The following PAM variants were observed in gnomAD, a reference collection of about 807,000 sequenced individuals.
PAM encodes peptidyl-glycine alpha-amidating monooxygenase.
In PAM, 72 loss-of-function variants were observed where a neutral mutation model predicts 122.1. That is an observed-to-expected ratio of 0.59 (90% CI 0.49 to 0.72). PAM has a LOEUF of 0.72. Among genes scored for constraint, PAM ranks in the 30% least tolerant of loss-of-function variants. The pLI is 0.00. For synonymous variants in PAM, 389 were observed against 404.4 expected (o/e 0.96, Z 0.46); for missense variants, 1,106 against 1,183.7 (o/e 0.93, Z 0.96).
intron 14 of PAM, among the ~76,000 whole-genome samples, chr5:102,966,239 C>G (rs2150325047): frequency 6.6e-6 from 1 of 152,128 alleles, no homozygotes; most frequent in East Asian, 1.9e-4. Flanking sequence ...CTAAATACCC[C>G]CCAAGGCTCT....
rs1581755631 is a variant in PAM, at chr5:102,925,189, A to G, written c.442+147A>G. On this transcript the variant is annotated intron_variant, in intron 6 of 25. Transcript: ENST00000438793. ...AAAGTACTTGCATTACCTCTTTTGTATTGAAAAGGTTTCATTTAGGTAGTT... is the reference window on the plus strand; with the variant it reads ...AAAGTACTTGCATTACCTCTTTTGTGTTGAAAAGGTTTCATTTAGGTAGTT... 8 of 613,296 alleles carry G rather than the reference A, an allele frequency of 1.3e-5. No homozygotes were observed. The East Asian group carries it at 2.1e-4, about 16-fold the overall frequency. 38.0% of individuals were successfully genotyped at this position (613,296 alleles called of 1,614,324 possible). A position where few individuals can be genotyped will look rare whatever the true frequency, so the allele number is the denominator to read the frequency against.
At chr5:102,948,335 G>T (rs1430414706) in intron 8 of PAM, 43 bp from the exon 9 acceptor site, 4 of 1,095,438 alleles carry the variant, frequency 3.7e-6, no homozygotes, top group South Asian at 2.6e-5. Context: ...CAGTCATTTT[G>T]ACTTTTTCAG....
intron 3 of PAM, among the ~76,000 whole-genome samples, chr5:102,890,558 C>T (rs989699965): frequency 1.6e-4 from 24 of 151,902 alleles, no homozygotes; most frequent in African/African-American, 5.3e-4. Context: ...AGATATAAAA[C>T]TTTTCTTGTA....
intron 21 of PAM, among the ~76,000 whole-genome samples, chr5:103,011,378 T>TAACA (rs1236931240): frequency 6.7e-6 from 1 of 148,616 alleles, no homozygotes; most frequent in Non-Finnish European, 1.5e-5. Context: ...AAACACACAC[T>TAACA]CACACACACA....
chr5:102,934,763 T>C (rs1036021786), intron 7 of PAM, among the ~76,000 whole-genome samples: 1 of 152,208 alleles, frequency 6.6e-6, no homozygotes, highest in Non-Finnish European at 1.5e-5. Context: ...AATGTTTCTA[T>C]AACAAATGTT....
In PAM at chr5:102,925,036, C is replaced by A; in HGVS notation, c.436C>A (p.Pro146Thr). ...WARNAPPTRL[P>T]KGVGFRVGGE... Reference sequence around the variant, plus strand: ...GAGAAATGCTCCCCCTACCCGGCTCCCCAAAGGTATGTCAGAGCCTCTTGG... The same window carrying A: ...GAGAAATGCTCCCCCTACCCGGCTCACCAAAGGTATGTCAGAGCCTCTTGG... The change falls in exon 6 of 26, where the codon CCC becomes ACC. Residue 146 changes from proline to threonine, a missense_variant. Transcript: ENST00000438793. 1.3e-6 allele frequency: 2 copies of A among 1,539,288 alleles called. No homozygotes were observed. The highest frequency in any genetic ancestry group is 1.8e-6 in the Non-Finnish European group (2 of 1,111,650).
At chr5:102,990,036 A>G (rs1255345501) in intron 15 of PAM, 1 of 298,958 alleles carries the variant, frequency 3.3e-6, no homozygotes, top group Non-Finnish European at 6.1e-6. Context: ...CTTTACAGGC[A>G]TCTTATCAAA....
At chr5:102,794,330 AG>A (rs1191787672) in intron 1 of PAM, among the ~76,000 whole-genome samples, 1 of 152,240 alleles carries the variant, frequency 6.6e-6, no homozygotes, top group Non-Finnish European at 1.5e-5. Context: ...TGGCAGAAGT[AG>A]ATTCTTACTG....
chr5:102,820,700 A>T (rs1383500632), intron 1 of PAM, among the ~76,000 whole-genome samples: 1 of 152,244 alleles, frequency 6.6e-6, no homozygotes, highest in African/African-American at 2.4e-5. Context: ...TGAAATAATA[A>T]TGAAAAATTG....
At chr5:103,003,218 C>T in intron 17 of PAM, 69 bp downstream of exon 17, 1 of 730,070 alleles carries the variant, frequency 1.4e-6, no homozygotes, top group Non-Finnish European at 2.4e-6. Context: ...ATCATAGAGT[C>T]TTGAAATTCG....
chr5:102,818,290 T>C (rs1295519089), intron 1 of PAM, among the ~76,000 whole-genome samples: 1 of 152,124 alleles, frequency 6.6e-6, no homozygotes, highest in Admixed American at 6.6e-5. Flanking sequence ...ATGGATTATG[T>C]TCTACTCCAA....
intron 3 of PAM, among the ~76,000 whole-genome samples, chr5:102,874,913 A>G (rs1017265416): frequency 1.3e-5 from 2 of 152,102 alleles, no homozygotes; most frequent in Non-Finnish European, 2.9e-5. Flanking sequence ...ACTAAAAGAG[A>G]TTAATAACGT....
chr5:102,968,920 T>A (rs1764937832), intron 14 of PAM, among the ~76,000 whole-genome samples: 1 of 152,148 alleles, frequency 6.6e-6, no homozygotes, highest in Non-Finnish European at 1.5e-5. Flanking sequence ...TAAAAAAGGA[T>A]GAGTTCATGT....
At chr5:103,028,035 C>A in intron 24 of PAM, 150 bp from the exon 25 acceptor site, 1 of 616,750 alleles carries the variant, frequency 1.6e-6, no homozygotes, top group Non-Finnish European at 2.9e-6. Flanking sequence ...CAGAAATATA[C>A]CGCCTTTCTT....
chr5:102,809,411 T>G (rs1404220569), intron 1 of PAM, among the ~76,000 whole-genome samples: 1 of 149,530 alleles, frequency 6.7e-6, no homozygotes, highest in African/African-American at 2.5e-5. Context: ...TTAATGGAAG[T>G]GGTAGATAAC....
intron 1 of PAM, among the ~76,000 whole-genome samples, chr5:102,779,286 G>A (rs990693021): frequency 6.6e-5 from 10 of 151,188 alleles, no homozygotes; most frequent in Non-Finnish European, 1.3e-4. Context: ...ATATAAAAGA[G>A]CAATACAGGA....
chr5:103,010,457 C>T (rs933449844), intron 21 of PAM, among the ~76,000 whole-genome samples: 1 of 152,126 alleles, frequency 6.6e-6, no homozygotes, highest in Non-Finnish European at 1.5e-5. Flanking sequence ...TTCAGTGTGC[C>T]CATGGCCCTT....
intron 5 of PAM, among the ~76,000 whole-genome samples, chr5:102,915,294 C>T (rs942941004): frequency 1.3e-5 from 2 of 151,998 alleles, no homozygotes; most frequent in African/African-American, 2.4e-5. Context: ...GCTCTCTTGT[C>T]GTTTTTGTAA....
chr5:102,895,220 C>T (rs1795877993), intron 3 of PAM, among the ~76,000 whole-genome samples: 1 of 151,766 alleles, frequency 6.6e-6, no homozygotes, highest in South Asian at 2.1e-4. Context: ...AAAACATTGC[C>T]AACCCCCCTT....
Sources: gnomAD v4.1 joint callset for allele counts (sites outside exome capture counted in the v4.1 genomes callset) on GRCh38, gnomAD v4.1.1 for gene constraint, MANE v1.5 for transcripts, NCBI Gene and HGNC (gene_info 2026-07-23, HGNC 2026-07-21) for gene names.